The following THRB variants were observed in gnomAD, a reference collection of about 807,000 sequenced individuals.
THRB encodes the protein thyroid hormone receptor beta.
In THRB, 12 loss-of-function variants were observed where a neutral mutation model predicts 47.8. The ratio of observed to expected loss-of-function variants is 0.25; its 90% CI spans 0.16 to 0.41. The LOEUF (loss-of-function observed/expected upper bound fraction) is 0.41. Among genes scored for constraint, THRB ranks in the 10% least tolerant of loss-of-function variants. The pLI is 1.00. For synonymous variants in THRB, 218 were observed against 212.2 expected, an observed-to-expected ratio of 1.03 and a Z score of -0.24; for missense variants, 348 against 589.2, an observed-to-expected ratio of 0.59 and a Z score of 4.24.
chr3:24,227,811 A>T (rs1247499967), intron 4 of THRB, among the ~76,000 whole-genome samples: 1 of 152,160 alleles, frequency 6.6e-6, no homozygotes, highest in African/African-American at 2.4e-5. Flanking sequence ...TCCTCGACAC[A>T]CAGAGGTCTA....
At chr3:24,422,355 CA>C (rs1296127074) in intron 1 of THRB, among the ~76,000 whole-genome samples, 7 of 151,770 alleles carry the variant, frequency 4.6e-5, no homozygotes, top group African/African-American at 1.7e-4. Context: ...TTCATTGGTG[CA>C]ATAATTATGG....
intron 1 of THRB, among the ~76,000 whole-genome samples, chr3:24,354,654 G>A (rs1019072742): frequency 4.7e-4 from 72 of 152,256 alleles, no homozygotes; most frequent in African/African-American, 1.7e-3. Flanking sequence ...GAGGGGATGA[G>A]TTTCGGCTCT....
At chr3:24,327,601 G>C (rs116579301) in intron 2 of THRB, among the ~76,000 whole-genome samples, 5 of 152,166 alleles carry the variant, frequency 3.3e-5, no homozygotes, top group African/African-American at 9.7e-5. Context: ...ACAGACAAAG[G>C]TTCCTGTGTC....
At chr3:24,352,891 G>C (rs1218941969) in intron 1 of THRB, among the ~76,000 whole-genome samples, 1 of 151,948 alleles carries the variant, frequency 6.6e-6, no homozygotes, top group African/African-American at 2.4e-5. Flanking sequence ...TCCCACTTTA[G>C]GTATAGATTG....
intron 2 of THRB, among the ~76,000 whole-genome samples, chr3:24,299,322 A>G (rs2056729692): frequency 6.6e-6 from 1 of 151,824 alleles, no homozygotes; most frequent in Non-Finnish European, 1.5e-5. Context: ...TGTAGAGGAA[A>G]CTAAGAATCA....
intron 6 of THRB, among the ~76,000 whole-genome samples, chr3:24,149,913 G>A (rs1434975730): frequency 2.0e-5 from 3 of 152,194 alleles, no homozygotes; most frequent in African/African-American, 7.2e-5. Context: ...TTGTTGGTAA[G>A]AAGAGGTCTT....
At chr3:24,341,355 T>G (rs2062641055) in intron 1 of THRB, among the ~76,000 whole-genome samples, 1 of 150,736 alleles carries the variant, frequency 6.6e-6, no homozygotes, top group Non-Finnish European at 1.5e-5. Flanking sequence ...CTCAGCATCC[T>G]GAGTAGGTGG....
intron 5 of THRB, among the ~76,000 whole-genome samples, chr3:24,162,852 A>G (rs1461609292): frequency 6.6e-6 from 1 of 152,072 alleles, no homozygotes; most frequent in Non-Finnish European, 1.5e-5. Flanking sequence ...TTTTTTTTAC[A>G]AGATTCTCTG....
chr3:24,233,549 G>T (rs1458148034), intron 3 of THRB, among the ~76,000 whole-genome samples: 1 of 100,018 alleles, frequency 1.0e-5, no homozygotes, highest in Non-Finnish European at 2.1e-5. Flanking sequence ...GAAAGAGAAA[G>T]AAAGAAAAAG....
chr3:24,362,518 C>A (rs184172426), intron 1 of THRB, among the ~76,000 whole-genome samples: 1 of 152,242 alleles, frequency 6.6e-6, no homozygotes, highest in Admixed American at 6.5e-5. Context: ...CTCTCCATAG[C>A]ACTTATCACC....
intron 1 of THRB, among the ~76,000 whole-genome samples, chr3:24,387,187 A>G (rs2066188358): frequency 6.6e-6 from 1 of 152,176 alleles, no homozygotes; most frequent in Admixed American, 6.5e-5. Context: ...CCACATCTTA[A>G]TCATCAGCAG....
chr3:24,376,793 T>C (rs2065327846), intron 1 of THRB, among the ~76,000 whole-genome samples: 1 of 152,180 alleles, frequency 6.6e-6, no homozygotes, highest in Admixed American at 6.6e-5. Flanking sequence ...AACTCATTAC[T>C]CTTTAAAGGA....
At chr3:24,129,839 C>G (rs912804201) in intron 9 of THRB, among the ~76,000 whole-genome samples, 1 of 152,220 alleles carries the variant, frequency 6.6e-6, no homozygotes, top group Non-Finnish European at 1.5e-5. Flanking sequence ...GTTGTTTTGG[C>G]AGCTCTGCCG....
chr3:24,146,930 A>T, intron 6 of THRB, 108 bp from the exon 7 acceptor site: 1 of 984,086 alleles, frequency 1.0e-6, no homozygotes. Flanking sequence ...TTGGACCTTA[A>T]CCTGTTTCTA....
At chr3:24,312,347 A>G (rs1320033953) in intron 2 of THRB, among the ~76,000 whole-genome samples, 2 of 152,152 alleles carry the variant, frequency 1.3e-5, no homozygotes, top group Non-Finnish European at 2.9e-5. Context: ...TTTTTTCATC[A>G]TCATAGCTCT....
chr3:24,364,448 A>G (rs193057402), intron 1 of THRB, among the ~76,000 whole-genome samples: 205 of 152,332 alleles, frequency 1.3e-3, no homozygotes, highest in Admixed American at 3.1e-3. Flanking sequence ...TCTATAATAT[A>G]AAAATAACTT....
chr3:24,137,401 T>C (rs1364826487), intron 8 of THRB, among the ~76,000 whole-genome samples: 1 of 152,204 alleles, frequency 6.6e-6, no homozygotes, highest in Non-Finnish European at 1.5e-5. Context: ...GAAACATGTA[T>C]TCGTGGAAGA....
chr3:24,210,758 CAGTA>C (rs537232498), intron 4 of THRB, among the ~76,000 whole-genome samples: 35 of 152,160 alleles, frequency 2.3e-4, no homozygotes, highest in Admixed American at 5.2e-4. Context: ...GTCTGGTTGA[CAGTA>C]AGTAAGGTAT....
At chr3:24,460,874 A>ACAGGGT (rs1217169690) in intron 1 of THRB, among the ~76,000 whole-genome samples, 10 of 152,194 alleles carry the variant, frequency 6.6e-5, no homozygotes, top group African/African-American at 9.6e-5. Flanking sequence ...TCTAACTCTT[A>ACAGGGT]CAGGGTTATT....
Sources: gnomAD v4.1 joint callset for allele counts (sites outside exome capture counted in the v4.1 genomes callset) on GRCh38, gnomAD v4.1.1 for gene constraint, MANE v1.5 for transcripts, NCBI Gene and HGNC (gene_info 2026-07-23, HGNC 2026-07-21) for gene names.